Variants in CD8B observed in about 807,000 individuals in gnomAD.
CD8B encodes the protein T-cell surface glycoprotein CD8 beta chain.
In CD8B, 6 loss-of-function variants were observed where a neutral mutation model predicts 24.2. The ratio of observed to expected loss-of-function variants is 0.25; its 90% CI spans 0.14 to 0.49. The LOEUF is 0.49. Among genes scored for constraint, CD8B ranks in the 20% least tolerant of loss-of-function variants. CD8B has a pLI of 0.98. For synonymous variants in CD8B, 84 were observed against 108.3 expected, an observed-to-expected ratio of 0.78 and a Z score of 1.39; for missense variants, 196 against 271.3, an observed-to-expected ratio of 0.72 and a Z score of 1.95.
chr2:86,816,375 C>CT (rs1188479555), intron 5 of CD8B, among the ~76,000 whole-genome samples: 3 of 152,184 alleles, frequency 2.0e-5, no homozygotes, highest in African/African-American at 7.2e-5. Context: ...CCCAGTTAAT[C>CT]TACAGATCCA....
At chr2:86,851,736 T>C (rs545341492) in intron 3 of CD8B, among the ~76,000 whole-genome samples, 8 of 152,178 alleles carry the variant, frequency 5.3e-5, no homozygotes, top group Non-Finnish European at 7.3e-5. Context: ...TTTCTGTTTG[T>C]CACCAGTGAC....
rs1259544793 is a variant in CD8B at position 86,838,978 on chromosome 2, A to G, written c.*3329T>C. Among the ~76,000 whole-genome samples the G allele has an allele frequency of 6.6e-6, 1 of 152,244 alleles. No homozygotes were observed. The highest frequency in any genetic ancestry group is 1.5e-5 in the Non-Finnish European group (1 of 68,044). ...CTAATGAAACACACTCATATAAGTG[A>G]TTCCCAGATTGAGAAGCAGAAATGC... is the stretch of plus-strand genomic sequence containing the variant. On this transcript the variant is annotated 3_prime_UTR_variant, in exon 6 of 6. Transcript: ENST00000390655.
At chr2:86,860,744 C>T (rs1348603582) in intron 1 of CD8B, among the ~76,000 whole-genome samples, 1 of 152,206 alleles carries the variant, frequency 6.6e-6, no homozygotes, top group Non-Finnish European at 1.5e-5. Context: ...CACAGGTGCC[C>T]GAAGCCCTTC....
downstream of CD8B, among the ~76,000 whole-genome samples, chr2:86,833,639 C>CCCTCCCTCCCTTCCTGCCTTCCTTCCTT: frequency 1.3e-5 from 1 of 76,014 alleles, no homozygotes. Context: ...CTCCCTCCCT[C>CCCTCCCTCCCTTCCTGCCTTCCTTCCTT]CCTTCCTTCC....
chr2:86,834,935 CAAAAAAAA>C (rs59354571), downstream of CD8B, among the ~76,000 whole-genome samples: 9,212 of 93,864 alleles, frequency 0.098, 396 homozygotes, highest in African/African-American at 0.15. Context: ...AACTCTGTCT[CAAAAAAAA>C]AAAAAAAAAA....
intron 5 of CD8B, among the ~76,000 whole-genome samples, chr2:86,825,375 C>G (rs1674637894): frequency 6.6e-6 from 1 of 152,198 alleles, no homozygotes; most frequent in Non-Finnish European, 1.5e-5. Flanking sequence ...CCCCCAACCC[C>G]TCCTTGGCCA....
rs1024128617 is a variant in CD8B, at chr2:86,838,486, A to C, written c.*3821T>G. Among the ~76,000 whole-genome samples the C allele has an allele frequency of 6.9e-6, 1 of 145,848 alleles. No individual in the cohort carries two copies. Among genetic ancestry groups the C allele is most frequent in the Admixed American group, 7.0e-5 (1 of 14,274 alleles). ...TTAAAAAATATGGGAAGAAAAAAAAACAAGAAACTTTTTAGAAAAAATTTA... is the reference window on the plus strand; with the variant it reads ...TTAAAAAATATGGGAAGAAAAAAAACCAAGAAACTTTTTAGAAAAAATTTA... On this transcript the variant is annotated 3_prime_UTR_variant, in exon 6 of 6. Coordinates refer to ENST00000390655, the MANE Select transcript of CD8B (RefSeq NM_004931.5).
chr2:86,831,082 G>A (rs1290586238), intron 5 of CD8B, among the ~76,000 whole-genome samples: 2 of 151,942 alleles, frequency 1.3e-5, no homozygotes, highest in African/African-American at 4.8e-5. Flanking sequence ...TTGTTTGTTT[G>A]TTTTTGAGAC....
chr2:86,852,039 G>T (rs1418790122), intron 3 of CD8B, among the ~76,000 whole-genome samples: 2 of 152,186 alleles, frequency 1.3e-5, no homozygotes, highest in African/African-American at 2.4e-5. Context: ...CAGGATCTCA[G>T]CTCACTTCAA....
At chr2:86,819,715 AACATTGATTTT>A (rs1342249551) in intron 5 of CD8B, among the ~76,000 whole-genome samples, 2 of 152,234 alleles carry the variant, frequency 1.3e-5, no homozygotes, top group Non-Finnish European at 2.9e-5. Context: ...CTGGTAAAAC[AACATTGATTTT>A]ACATGGACCA....
intron 1 of CD8B, among the ~76,000 whole-genome samples, chr2:86,860,261 C>T (rs1676504820): frequency 6.6e-6 from 1 of 152,166 alleles, no homozygotes; most frequent in Non-Finnish European, 1.5e-5. Context: ...CAGAGCAAGA[C>T]TCCATCTTGG....
At chr2:86,832,821 G>A (rs1674954301) in intron 5 of CD8B, among the ~76,000 whole-genome samples, 1 of 152,098 alleles carries the variant, frequency 6.6e-6, no homozygotes, top group Admixed American at 6.6e-5. Context: ...AAAATAAAAA[G>A]AGGAATACTT....
At chr2:86,815,700 T>C (rs1482178837) in exon 6 of CD8B, 1 of 1,606,692 alleles carries the variant, frequency 6.2e-7, no homozygotes, top group Admixed American at 1.7e-5. Flanking sequence ...AGGTTCCTGA[T>C]ATACCTTCCC....
At chr2:86,827,084 G>C (rs1002266839) in intron 5 of CD8B, among the ~76,000 whole-genome samples, 1 of 152,102 alleles carries the variant, frequency 6.6e-6, no homozygotes, top group African/African-American at 2.4e-5. Context: ...GCCTCCCAGA[G>C]TGTGAGGATT....
chr2:86,820,545 T>TC (rs1352820083), intron 5 of CD8B, among the ~76,000 whole-genome samples: 3 of 152,224 alleles, frequency 2.0e-5, no homozygotes, highest in African/African-American at 7.2e-5. Flanking sequence ...ACTTTTTTTT[T>TC]CAGACATAAT....
At chr2:86,842,562 T>C (rs1218931159) in intron 5 of CD8B, among the ~76,000 whole-genome samples, 2 of 152,350 alleles carry the variant, frequency 1.3e-5, no homozygotes, top group East Asian at 3.9e-4. Context: ...GGTTACTTCC[T>C]GTAGTACCTC....
chr2:86,842,365 G>T (rs372075766), intron 5 of CD8B, 46 bp from the exon 6 acceptor site: 32 of 1,579,292 alleles, frequency 2.0e-5, no homozygotes, highest in Non-Finnish European at 2.8e-5. Flanking sequence ...TCAGGCAAAC[G>T]ATATTGAATT....
chr2:86,835,356 G>A (rs1051274748), downstream of CD8B, among the ~76,000 whole-genome samples: 12 of 152,224 alleles, frequency 7.9e-5, no homozygotes, highest in African/African-American at 2.4e-4. Flanking sequence ...CAGTGTGGCT[G>A]CAGGGTAGGT....
intron 5 of CD8B, among the ~76,000 whole-genome samples, chr2:86,820,445 G>A (rs1674420382): frequency 6.6e-6 from 1 of 152,352 alleles, no homozygotes; most frequent in East Asian, 1.9e-4. Context: ...AAGGCAAGAT[G>A]CCCTCCATCA....
Sources: allele counts gnomAD v4.1 joint callset (sites outside exome capture counted in the v4.1 genomes callset), GRCh38; gene constraint gnomAD v4.1.1; transcripts MANE v1.5; gene names NCBI Gene and HGNC (gene_info 2026-07-23, HGNC 2026-07-21).